The following GOLPH3 variants were observed in gnomAD, a reference collection of about 807,000 sequenced individuals.
The protein encoded by GOLPH3 is coat protein GPP34.
In GOLPH3, 14 loss-of-function variants were observed where a neutral mutation model predicts 28.5. That is an observed-to-expected ratio of 0.49 (90% CI 0.32 to 0.77). The LOEUF (loss-of-function observed/expected upper bound fraction) is 0.77, where lower values mean the gene tolerates loss of function less well. Among genes scored for constraint, GOLPH3 ranks in the 30% least tolerant of loss-of-function variants. The probability of loss-of-function intolerance (pLI) is 0.03; values close to 1 mark genes in which losing one functional copy is unlikely to be tolerated. For missense variants in GOLPH3, 350 were observed against 393.7 expected (o/e 0.89, Z 0.94); for synonymous variants, 158 against 159.2 (o/e 0.99, Z 0.06).
At position 32,158,023 on chromosome 5, in the gene GOLPH3, T is replaced by TAAAATACACAC. The variant is rs377527601; in HGVS notation, c.226-14144_226-14143insGTGTGTATTTT. Reference sequence around the variant, plus strand: ...TAAATAAATAAATAAATAAATAAAATACACACACACACACACACACACACA... The same window carrying TAAAATACACAC: ...TAAATAAATAAATAAATAAATAAAATAAAATACACACACACACACACACACACACACACACA... On this transcript the variant is annotated intron_variant, in intron 1 of 3. Transcript: ENST00000265070. 6.9e-3 allele frequency among the ~76,000 whole-genome samples: 185 copies of TAAAATACACAC among 26,752 alleles called. 23 individuals carry two copies. The highest frequency in any genetic ancestry group is 0.025 in the African/African-American group (181 of 7,364). 17.6% of individuals were successfully genotyped at this position (26,752 alleles called of 152,430 possible). A position where few individuals can be genotyped will look rare whatever the true frequency, so the allele number is the denominator to read the frequency against.
intron 3 of GOLPH3, among the ~76,000 whole-genome samples, chr5:32,133,233 C>A (rs748912105): frequency 1.5e-4 from 23 of 152,154 alleles, no homozygotes; most frequent in Admixed American, 3.3e-4. Context: ...TAGGTGAGAA[C>A]CAAGTTCAGT....
At chr5:32,157,822 A>G (rs1746463902) in intron 1 of GOLPH3, among the ~76,000 whole-genome samples, 1 of 151,836 alleles carries the variant, frequency 6.6e-6, no homozygotes. Context: ...TACTAAAAAT[A>G]CAAAATTAGC....
intron 1 of GOLPH3, among the ~76,000 whole-genome samples, chr5:32,169,137 C>T (rs1746778534): frequency 6.6e-6 from 1 of 151,726 alleles, no homozygotes; most frequent in South Asian, 2.1e-4. Flanking sequence ...TTTTAATTAG[C>T]TGGGCATGGT....
chr5:32,143,201 T>A (rs1051308276), intron 2 of GOLPH3, among the ~76,000 whole-genome samples: 1 of 152,162 alleles, frequency 6.6e-6, no homozygotes, highest in Non-Finnish European at 1.5e-5. Flanking sequence ...CAGGGTTGAA[T>A]GGATTAAGGG....
intron 1 of GOLPH3, among the ~76,000 whole-genome samples, chr5:32,166,438 A>G (rs1746710989): frequency 6.6e-6 from 1 of 152,220 alleles, no homozygotes; most frequent in Non-Finnish European, 1.5e-5. Context: ...CCCAGCTTTG[A>G]TAAGAGAAAC....
At chr5:32,146,580 T>C (rs942020130) in intron 1 of GOLPH3, among the ~76,000 whole-genome samples, 1 of 152,230 alleles carries the variant, frequency 6.6e-6, no homozygotes, top group Non-Finnish European at 1.5e-5. Context: ...GCTACTGTTC[T>C]GCTCTCAACT....
At chr5:32,130,430 G>A (rs1442637391) in intron 3 of GOLPH3, among the ~76,000 whole-genome samples, 1 of 152,150 alleles carries the variant, frequency 6.6e-6, no homozygotes, top group East Asian at 1.9e-4. Flanking sequence ...TATCAAAGAA[G>A]TATTATCCCC....
At chr5:32,141,625 C>G (rs568227407) in intron 2 of GOLPH3, among the ~76,000 whole-genome samples, 18 of 151,018 alleles carry the variant, frequency 1.2e-4, no homozygotes, top group African/African-American at 4.5e-4. Flanking sequence ...CTCTCCCTCT[C>G]TTTCCACGGT....
chr5:32,165,374 T>C (rs1485057998), intron 1 of GOLPH3, among the ~76,000 whole-genome samples: 1 of 152,022 alleles, frequency 6.6e-6, no homozygotes, highest in Non-Finnish European at 1.5e-5. Context: ...CATGAGGTCA[T>C]GAGTTTGAGA....
Position 32,144,647 on chromosome 5 carries a change from C to T in GOLPH3, c.226-767G>A, listed in dbSNP as rs58511501. On this transcript the variant is annotated intron_variant, in intron 1 of 3. Transcript: ENST00000265070. ...TATTAGAAAAACACACATGCGCCCA[C>T]AAACAAATGGATGGCTATAGGCCTA... Among the ~76,000 whole-genome samples the T allele has an allele frequency of 9.8e-3, 1,498 of 152,282 alleles. 25 individuals are homozygous for T. Among genetic ancestry groups the T allele is most frequent in the African/African-American group, 0.035 (1,456 of 41,544 alleles).
In GOLPH3 at chr5:32,158,913, G is replaced by T. The variant is rs567712092; in HGVS notation, c.225+14897C>A. Among the ~76,000 whole-genome samples, 5 of 152,240 alleles carry T rather than the reference G, an allele frequency of 3.3e-5. No homozygotes were observed. The East Asian group carries it at 9.6e-4, about 29-fold the overall frequency. On this transcript the variant is annotated intron_variant, in intron 1 of 3. Transcript: ENST00000265070. Reference sequence around the variant, plus strand: ...CTGCCATACACTGAGTATCTATGCTGTTAAAACTGTGTTAAGCATTCAGTG... The same window carrying T: ...CTGCCATACACTGAGTATCTATGCTTTTAAAACTGTGTTAAGCATTCAGTG...
intron 1 of GOLPH3, among the ~76,000 whole-genome samples, chr5:32,148,373 A>C (rs1277471524): frequency 6.6e-6 from 1 of 152,260 alleles, no homozygotes; most frequent in African/African-American, 2.4e-5. Context: ...GTATAGGCAT[A>C]AAGTACTCAA....
At chr5:32,168,785 A>G (rs539811387) in intron 1 of GOLPH3, among the ~76,000 whole-genome samples, 3 of 152,296 alleles carry the variant, frequency 2.0e-5, no homozygotes, top group African/African-American at 7.2e-5. Context: ...CTGCATGACA[A>G]AACAGCAGGG....
intron 3 of GOLPH3, among the ~76,000 whole-genome samples, chr5:32,128,803 T>TAA (rs754409274): frequency 1.7e-4 from 24 of 140,758 alleles, no homozygotes; most frequent in African/African-American, 5.7e-4. Context: ...GCATCGAAGT[T>TAA]AAAAAAAAAA....
intron 2 of GOLPH3, among the ~76,000 whole-genome samples, chr5:32,137,533 C>T (rs1469980488): frequency 6.6e-6 from 1 of 151,904 alleles, no homozygotes; most frequent in Admixed American, 6.6e-5. Context: ...GTGGCGCATG[C>T]CTGTAAACCC....
chr5:32,145,203 G>A (rs912057631), intron 1 of GOLPH3, among the ~76,000 whole-genome samples: 3 of 152,220 alleles, frequency 2.0e-5, no homozygotes, highest in African/African-American at 7.2e-5. Flanking sequence ...CCACTTCTGA[G>A]AATGTGACCT....
intron 3 of GOLPH3, among the ~76,000 whole-genome samples, chr5:32,129,768 C>A (rs938786209): frequency 5.9e-5 from 9 of 152,096 alleles, no homozygotes; most frequent in Admixed American, 1.3e-4. Flanking sequence ...GCAAAAGAAA[C>A]AACAAAGTAC....
chr5:32,151,413 C>CT (rs1192164918), intron 1 of GOLPH3, among the ~76,000 whole-genome samples: 4 of 152,064 alleles, frequency 2.6e-5, no homozygotes, highest in Admixed American at 6.6e-5. Context: ...GTAGACCTAG[C>CT]TACTCGGGAG....
At chr5:32,137,286 G>A (rs761673431) in intron 2 of GOLPH3, among the ~76,000 whole-genome samples, 1 of 151,894 alleles carries the variant, frequency 6.6e-6, no homozygotes, top group Non-Finnish European at 1.5e-5. Flanking sequence ...AAATTGTCCC[G>A]ACTAGCAGAA....
Sources: gnomAD v4.1 joint callset for allele counts (sites outside exome capture counted in the v4.1 genomes callset) on GRCh38, gnomAD v4.1.1 for gene constraint, MANE v1.5 for transcripts, NCBI Gene and HGNC (gene_info 2026-07-23, HGNC 2026-07-21) for gene names.